The following PLCG2 variants were observed in gnomAD, a reference collection of about 807,000 sequenced individuals.
PLCG2 encodes phospholipase C gamma 2, also known as 1-phosphatidylinositol 4,5-bisphosphate phosphodiesterase gamma-2.
Under a neutral mutation model 175.6 loss-of-function variants are expected in PLCG2, and 69 were observed. The observed-to-expected ratio is 0.39, with a 90% CI of 0.32 to 0.48. The LOEUF is 0.48. Among genes scored for constraint, PLCG2 ranks in the 20% least tolerant of loss-of-function variants. The pLI is 0.91. For missense variants in PLCG2, 1,798 were observed against 1,650.9 expected (o/e 1.09, Z -1.54); for synonymous variants, 827 against 624.0 (o/e 1.33, Z -4.85).
At chr16:81,912,781 C>T in intron 19 of PLCG2, 65 bp downstream of exon 19, 1 of 1,490,198 alleles carries the variant, frequency 6.7e-7, no homozygotes, top group Admixed American at 2.4e-5. Context: ...TGCGGAGAGA[C>T]AAGGGGGAAC....
At chr16:81,745,300 G>A (rs1283993262) in intron 1 of PLCG2, among the ~76,000 whole-genome samples, 1 of 152,186 alleles carries the variant, frequency 6.6e-6, no homozygotes, top group Non-Finnish European at 1.5e-5. Flanking sequence ...GTTGCCGGAA[G>A]CCTTCTTGGA....
intron 5 of PLCG2, among the ~76,000 whole-genome samples, chr16:81,862,442 A>G (rs575154988): frequency 3.9e-5 from 6 of 152,346 alleles, no homozygotes; most frequent in African/African-American, 9.6e-5. Flanking sequence ...CACGTTTTCT[A>G]TGTGAGGACA....
intron 2 of PLCG2, among the ~76,000 whole-genome samples, chr16:81,758,966 C>A (rs1341663360): frequency 6.6e-6 from 1 of 152,230 alleles, no homozygotes; most frequent in Non-Finnish European, 1.5e-5. Flanking sequence ...GCGTGAGCCA[C>A]CGCACCCGGC....
intron 2 of PLCG2, among the ~76,000 whole-genome samples, chr16:81,757,679 C>T (rs7184141): frequency 0.65 from 98,046 of 151,786 alleles, 32,067 homozygotes; most frequent in African/African-American, 0.73. Flanking sequence ...TCATGTATCA[C>T]GCAATTCACC....
chr16:81,800,968 C>A (rs998425316), intron 2 of PLCG2, among the ~76,000 whole-genome samples: 2 of 152,060 alleles, frequency 1.3e-5, no homozygotes, highest in African/African-American at 4.8e-5. Context: ...GGCCATGAAT[C>A]AAGGAATGCA....
chr16:81,740,745 A>AAAC (rs1909573666), intron 1 of PLCG2, among the ~76,000 whole-genome samples: 1 of 138,054 alleles, frequency 7.2e-6, no homozygotes, highest in African/African-American at 2.5e-5. Flanking sequence ...AAAAAAAAAA[A>AAAC]AAAAAAAAAA....
In PLCG2 at chr16:81,854,522, A is replaced by C. The variant is rs1567499878; in HGVS notation, c.272A>C (p.Lys91Thr). The C allele has an allele frequency of 1.2e-6, 2 of 1,613,950 alleles. No homozygotes were observed. Among genetic ancestry groups the C allele is most frequent in the Non-Finnish European group, 1.7e-6 (2 of 1,179,794 alleles). The change falls in exon 3 of 33, where the codon AAA (lysine) becomes ACA (threonine). Residue 91 changes from lysine (K) to threonine (T), a missense_variant. Coordinates refer to ENST00000564138, the MANE Select transcript of PLCG2 (RefSeq NM_002661.5). ...DFERAKAVRQ[K>T]EDCCFTILYG... Reference sequence around the variant, plus strand: ...GAGCGAGCAAAAGCAGTTCGCCAGAAAGAAGACTGCTGCTTCACCATCCTA... The same window carrying C: ...GAGCGAGCAAAAGCAGTTCGCCAGACAGAAGACTGCTGCTTCACCATCCTA...
chr16:81,835,502 C>A (rs893464897), intron 2 of PLCG2, among the ~76,000 whole-genome samples: 4 of 152,002 alleles, frequency 2.6e-5, no homozygotes, highest in African/African-American at 9.7e-5. Context: ...TCGCTTAAAC[C>A]TGGGAGGTGG....
intron 24 of PLCG2, 66 bp downstream of exon 24, chr16:81,928,690 G>A (rs368410901): frequency 5.1e-5 from 53 of 1,040,384 alleles, no homozygotes; most frequent in Middle Eastern, 4.0e-4. Context: ...CCTCAGCCCC[G>A]CCCTACACAG....
At chr16:81,760,642 G>A (rs1910018746) in intron 2 of PLCG2, among the ~76,000 whole-genome samples, 1 of 151,962 alleles carries the variant, frequency 6.6e-6, no homozygotes, top group African/African-American at 2.4e-5. Context: ...TGAGCACAAT[G>A]GCACATGCCT....
At chr16:81,952,267 A>G (rs974780714) in intron 31 of PLCG2, among the ~76,000 whole-genome samples, 4 of 152,100 alleles carry the variant, frequency 2.6e-5, no homozygotes, top group African/African-American at 9.7e-5. Context: ...ATATATTTAT[A>G]TATATATATT....
At chr16:81,888,611 T>TA (rs1474534781) in intron 9 of PLCG2, among the ~76,000 whole-genome samples, 2 of 152,204 alleles carry the variant, frequency 1.3e-5, no homozygotes, top group East Asian at 3.8e-4. Context: ...GTGTGGTAGA[T>TA]ACTCTTATTC....
chr16:81,827,202 T>C (rs895692292), intron 2 of PLCG2, among the ~76,000 whole-genome samples: 3 of 151,820 alleles, frequency 2.0e-5, no homozygotes, highest in African/African-American at 7.2e-5. Context: ...TTTTTTTTTT[T>C]TGGGGACAGG....
At chr16:81,910,366 C>CAGGCATGAG (rs545994933) in intron 17 of PLCG2, among the ~76,000 whole-genome samples, 154 bp from the exon 18 acceptor site, 129 of 152,344 alleles carry the variant, frequency 8.5e-4, no homozygotes, top group African/African-American at 3.1e-3. Context: ...GCTGGGATTA[C>CAGGCATGAG]AGGCATGAGC....
intron 2 of PLCG2, among the ~76,000 whole-genome samples, chr16:81,840,812 G>T (rs114836755): frequency 0.01 from 1,524 of 152,290 alleles, 25 homozygotes; most frequent in African/African-American, 0.034. Context: ...GCTCCCTTCC[G>T]AGTGGCAAGG....
At position 81,936,328 on chromosome 16, in the gene PLCG2, G is replaced by A. The variant is rs752209691; in HGVS notation, c.3002G>A (p.Arg1001His). ...RVDSSNYDPF[R>H]LWLCGSQMVA... ...GACTCTTCAAACTACGACCCCTTCC[G>A]CCTCTGGCTGTGCGGTTCTCAGATG... is the stretch of plus-strand genomic sequence containing the variant. Residue 1001 changes from arginine (R) to histidine (H), a missense_variant, in exon 27 of 33, where the codon CGC becomes CAC. By Grantham distance (29) the Arg-to-His change is conservative (BLOSUM62 0). Coordinates refer to ENST00000564138, the MANE Select transcript of PLCG2 (RefSeq NM_002661.5). 1.2e-5 allele frequency: 19 copies of A among 1,614,072 alleles called. No individual in the cohort carries two copies. The highest frequency in any genetic ancestry group is 4.0e-5 in the African/African-American group (3 of 74,932).
chr16:81,777,840 A>G (rs1221625701), upstream of PLCG2, among the ~76,000 whole-genome samples: 1 of 151,810 alleles, frequency 6.6e-6, no homozygotes, highest in African/African-American at 2.4e-5. Flanking sequence ...ACATAGTGAA[A>G]CCGCGTCTCT....
intron 5 of PLCG2, among the ~76,000 whole-genome samples, chr16:81,865,168 C>T (rs1231631418): frequency 6.6e-6 from 1 of 152,162 alleles, no homozygotes; most frequent in East Asian, 1.9e-4. Flanking sequence ...AGGGCCAGGC[C>T]TTTGTTCCCT....
chr16:81,790,317 C>G (rs1273281887), intron 2 of PLCG2, among the ~76,000 whole-genome samples: 1 of 152,096 alleles, frequency 6.6e-6, no homozygotes, highest in Admixed American at 6.6e-5. Context: ...AGAGGGATGA[C>G]GTGATTGGAT....
Sources: allele counts gnomAD v4.1 joint callset (sites outside exome capture counted in the v4.1 genomes callset), GRCh38; gene constraint gnomAD v4.1.1; transcripts MANE v1.5; gene names NCBI Gene and HGNC (gene_info 2026-07-23, HGNC 2026-07-21).